Variants in SDK2 observed in about 807,000 individuals in gnomAD.
SDK2 encodes the protein protein sidekick-2.
SDK2 carries 105 observed loss-of-function variants against 253.9 expected under a neutral mutation model. The ratio of observed to expected loss-of-function variants is 0.41; its 90% CI spans 0.35 to 0.49. SDK2 has a LOEUF of 0.49. Ranked by LOEUF, SDK2 falls within the 20% of genes least tolerant of loss-of-function variation. The pLI is 0.06. For synonymous variants in SDK2, 1,249 were observed against 1,234.9 expected (o/e 1.01, Z -0.24); for missense variants, 2,608 against 3,003.0 (o/e 0.87, Z 3.07).
At chr17:73,371,913 T>A (rs559111105) in intron 36 of SDK2, among the ~76,000 whole-genome samples, 3 of 149,272 alleles carry the variant, frequency 2.0e-5, no homozygotes, top group Admixed American at 2.0e-4. Context: ...TGAGCTGAGA[T>A]AGCACCACTG....
rs565834194 is a variant in SDK2, at chr17:73,589,214, T to A, written c.64+54811A>T. 9.8e-5 allele frequency among the ~76,000 whole-genome samples: 15 copies of A among 152,376 alleles called. No individual in the cohort carries two copies. In the South Asian group the frequency reaches 2.7e-3, roughly 27 times the overall value. Reference sequence around the variant, plus strand: ...GGAGTAGTCCCAGGATGCAAGAAATTCACGCTCCAGCTCACAGTGATGAAT... The same window carrying A: ...GGAGTAGTCCCAGGATGCAAGAAATACACGCTCCAGCTCACAGTGATGAAT... On this transcript the variant is annotated intron_variant, in intron 1 of 44. Coordinates refer to ENST00000392650, the MANE Select transcript of SDK2 (RefSeq NM_001144952.2).
chr17:73,617,311 G>A (rs1482126345), intron 1 of SDK2, among the ~76,000 whole-genome samples: 2 of 150,946 alleles, frequency 1.3e-5, no homozygotes, highest in African/African-American at 2.4e-5. Flanking sequence ...CAGAGGGGAG[G>A]GGAGAGGCCT....
chr17:73,582,746 T>TC (rs1479638050), intron 1 of SDK2, among the ~76,000 whole-genome samples: 3 of 152,138 alleles, frequency 2.0e-5, no homozygotes, highest in East Asian at 3.9e-4. Flanking sequence ...GTACCCCCCT[T>TC]CAGCCCTTCA....
chr17:73,527,071 C>T, intron 1 of SDK2, among the ~76,000 whole-genome samples: 1 of 152,216 alleles, frequency 6.6e-6, no homozygotes, highest in East Asian at 1.9e-4. Flanking sequence ...CGGGCATGGG[C>T]TCACTGCGGA....
At chr17:73,573,492 C>A (rs1275760971) in intron 1 of SDK2, among the ~76,000 whole-genome samples, 1 of 152,172 alleles carries the variant, frequency 6.6e-6, no homozygotes, top group Non-Finnish European at 1.5e-5. Context: ...TACCCTTCAC[C>A]CAGCTGCTAG....
rs1206811668 is a variant in SDK2, at chr17:73,609,370, A to G, written c.64+34655T>C. On this transcript the variant is annotated intron_variant, in intron 1 of 44. Coordinates refer to ENST00000392650, the MANE Select transcript of SDK2 (RefSeq NM_001144952.2). This position sits in a 1 kb window ranked among gnomAD's most constrained non-coding sequence, Gnocchi z 4.4. ...AGAGGCTGGACCAGGAGGAGGAGCC[A>G]GCAAGAAAGGCACCAAACTGAGAGC... Among the ~76,000 whole-genome samples, 3 of 152,190 alleles carry G rather than the reference A, an allele frequency of 2.0e-5. No individual in the cohort carries two copies. The highest frequency in any genetic ancestry group is 4.4e-5 in the Non-Finnish European group (3 of 68,030).
chr17:73,419,169 A>T lies in SDK2; in HGVS notation c.2183T>A (p.Ile728Asn). The part of the protein sequence containing the change: ...HQNGILKGYI[I>N]RYCLAGLPVG... ...TGTCCCCAGGGTGGACACCCACCTG[A>T]TGATGTAACCCTTGAGAATTCCATT... The change falls in exon 16 of 45, where the codon ATC becomes AAC. Residue 728 changes from isoleucine to asparagine, a missense_variant. By Grantham distance (149) the Ile-to-Asn change is moderately radical. Coordinates refer to ENST00000392650, the MANE Select transcript of SDK2 (RefSeq NM_001144952.2). 1.2e-6 allele frequency: 2 copies of T among 1,611,930 alleles called. No homozygotes were observed. The highest frequency in any genetic ancestry group is 1.7e-6 in the Non-Finnish European group (2 of 1,179,248).
chr17:73,643,992 C>T lies in SDK2; in HGVS notation c.64+33G>A. ...CCTCCCCCGCCCACTCTCCCAGCCC[C>T]CTCCCTGTCCCCACGTGGGGGTCCC... On this transcript the variant is annotated intron_variant, in intron 1 of 44. Transcript: ENST00000392650. The surrounding 1 kb of genome is among the most constrained non-coding windows in gnomAD (Gnocchi z 6.9). 6.6e-7 allele frequency: 1 copy of T among 1,513,742 alleles called. No homozygotes were observed. Among genetic ancestry groups the T allele is most frequent in the East Asian group, 2.5e-5 (1 of 40,616 alleles). The allele number at this position is 1,513,742 out of a possible 1,614,324, so 93.8% of individuals were successfully genotyped here.
rs560548728 is a variant in SDK2 at position 73,335,759 on chromosome 17, C to T, written c.*2828G>A. ...ATCCCAGCCACGCCCCAAGTGCAAG[C>T]AACCCAGGCCACCTGTGCCTCACAG... On this transcript the variant is annotated 3_prime_UTR_variant, in exon 45 of 45. Coordinates refer to ENST00000392650, the MANE Select transcript of SDK2 (RefSeq NM_001144952.2). 6.6e-6 allele frequency: 1 copy of T among 152,404 alleles called. No homozygotes were observed. The highest frequency in any genetic ancestry group is 2.4e-5 in the African/African-American group (1 of 41,588). The allele number at this position is 152,404 out of a possible 1,614,324, so 9.4% of individuals were successfully genotyped here. A position where few individuals can be genotyped will look rare whatever the true frequency, so the allele number is the denominator to read the frequency against.
intron 43 of SDK2, 25 bp downstream of exon 43, chr17:73,350,212 C>CCCTCCCGGG: frequency 1.3e-6 from 2 of 1,533,822 alleles, no homozygotes; most frequent in Non-Finnish European, 1.8e-6. Context: ...GGCCTGGCCC[C>CCCTCCCGGG]CAACCCACGC....
intron 1 of SDK2, among the ~76,000 whole-genome samples, chr17:73,596,049 G>C (rs1010916728): frequency 2.0e-5 from 3 of 151,732 alleles, no homozygotes; most frequent in Non-Finnish European, 2.9e-5. Context: ...CCAGGCAGAC[G>C]GCCCTCACCT....
In SDK2 at chr17:73,449,922, C is replaced by CA. The variant is rs1335241434; in HGVS notation, c.480-2175dup. ...TGAGCAACAGAGCGAAACTCCATCT[C>CA]AAAAAAACAAAACAAACAAACAAAC... is the stretch of plus-strand genomic sequence containing the variant. On this transcript the variant is annotated intron_variant, in intron 4 of 44. Transcript: ENST00000392650. Among the ~76,000 whole-genome samples, 7 of 151,760 alleles carry CA rather than the reference C, an allele frequency of 4.6e-5. No individual in the cohort carries two copies. In the East Asian group the frequency reaches 1.4e-3, roughly 29 times the overall value.
chr17:73,459,761 G>A (rs1043266184), intron 3 of SDK2, among the ~76,000 whole-genome samples: 6 of 151,430 alleles, frequency 4.0e-5, no homozygotes, highest in African/African-American at 1.5e-4. Flanking sequence ...CATGAACTCC[G>A]GCCTTAAAGC....
At chr17:73,587,085 A>G (rs1424024651) in intron 1 of SDK2, among the ~76,000 whole-genome samples, 1 of 152,182 alleles carries the variant, frequency 6.6e-6, no homozygotes, top group Non-Finnish European at 1.5e-5. Context: ...GGGTAGAGAT[A>G]TTCCACTAAG....
chr17:73,591,577 C>T (rs2045682611), intron 1 of SDK2, among the ~76,000 whole-genome samples: 1 of 152,158 alleles, frequency 6.6e-6, no homozygotes, highest in East Asian at 1.9e-4. Flanking sequence ...GTAGAATACT[C>T]TCGCAAATTG....
chr17:73,440,353 G>A (rs1009572366), intron 6 of SDK2, among the ~76,000 whole-genome samples: 10 of 151,964 alleles, frequency 6.6e-5, no homozygotes, highest in East Asian at 1.9e-4. Flanking sequence ...TGATCCGCCC[G>A]CCTCAGCCTC....
At chr17:73,483,589 G>GTA (rs1336469693) in intron 2 of SDK2, among the ~76,000 whole-genome samples, 1 of 131,108 alleles carries the variant, frequency 7.6e-6, no homozygotes, top group Non-Finnish European at 1.6e-5. Flanking sequence ...GTATATATAT[G>GTA]TATATATATG....
intron 14 of SDK2, 102 bp downstream of exon 14, chr17:73,423,284 G>T: frequency 1.7e-6 from 2 of 1,146,360 alleles, no homozygotes; most frequent in Non-Finnish European, 2.3e-6. Context: ...TCTGCTCAAA[G>T]GCCCAGAACT....
chr17:73,547,983 GGA>G (rs879369035), intron 1 of SDK2, among the ~76,000 whole-genome samples: 7 of 152,282 alleles, frequency 4.6e-5, no homozygotes, highest in South Asian at 2.1e-4. Context: ...TGGCAGAGCA[GGA>G]GAGAGAGAGA....
Sources: allele counts gnomAD v4.1 joint callset (sites outside exome capture counted in the v4.1 genomes callset), GRCh38; gene constraint gnomAD v4.1.1; non-coding constraint Gnocchi (gnomAD v3.1); transcripts MANE v1.5; gene names NCBI Gene and HGNC (gene_info 2026-07-23, HGNC 2026-07-21).